ABLIM2: variants seen among roughly 807,000 people sequenced by gnomAD.
ABLIM2 encodes actin binding LIM protein family member 2, also known as actin-binding LIM protein 2.
In ABLIM2, 53 loss-of-function variants were observed where a neutral mutation model predicts 97.7. The observed-to-expected ratio is 0.54, with a 90% CI of 0.44 to 0.68. The LOEUF (loss-of-function observed/expected upper bound fraction) is 0.68, where lower values mean the gene tolerates loss of function less well. ABLIM2 is among the 30% of genes least tolerant of loss of function. The pLI is 0.00. For missense variants in ABLIM2, 835 were observed against 867.2 expected, an observed-to-expected ratio of 0.96 and a Z score of 0.47; for synonymous variants, 361 against 345.8, an observed-to-expected ratio of 1.04 and a Z score of -0.49.
chr4:8,066,228 C>T (rs999815366), intron 6 of ABLIM2, among the ~76,000 whole-genome samples: 5 of 150,038 alleles, frequency 3.3e-5, no homozygotes, highest in Non-Finnish European at 7.4e-5. Context: ...ATGGCGTGAA[C>T]CCGGGAGGCA....
At chr4:8,092,964 T>A (rs1199138404) in intron 3 of ABLIM2, among the ~76,000 whole-genome samples, 1 of 152,148 alleles carries the variant, frequency 6.6e-6, no homozygotes, top group Non-Finnish European at 1.5e-5. Flanking sequence ...TTCTCCTGCC[T>A]CGGCCTTCCA....
chr4:8,072,815 G>A lies in ABLIM2; in HGVS notation c.675+4813C>T, dbSNP rs1007115823. The stretch of plus-strand genomic sequence containing the variant: ...CATCAGAGCCACCAGCGCATAAGAG[G>A]AGCAGGGTCAGGGACAGCACCTGAG... On this transcript the variant is annotated intron_variant, in intron 6 of 20. Transcript: ENST00000447017. The surrounding 1 kb of genome is among the most constrained non-coding windows in gnomAD (Gnocchi z 5.8). Among the ~76,000 whole-genome samples, 5 of 152,204 alleles carry A rather than the reference G, an allele frequency of 3.3e-5. No homozygotes were observed. Among genetic ancestry groups the A allele is most frequent in the Non-Finnish European group, 7.3e-5 (5 of 68,042 alleles).
chr4:8,150,978 G>A lies in ABLIM2; in HGVS notation c.10+7702C>T, dbSNP rs894645522. ...AGCTGTGACAAAGGCCATTCTGCCC[G>A]TTCCCTGGTGCCTGCCGTGCCCAGG... On this transcript the variant is annotated intron_variant, in intron 1 of 20. Transcript: ENST00000447017. This position sits in a 1 kb window ranked among gnomAD's most constrained non-coding sequence, Gnocchi z 6.3. 2.6e-5 allele frequency among the ~76,000 whole-genome samples: 4 copies of A among 152,166 alleles called. No individual in the cohort carries two copies. Among genetic ancestry groups the A allele is most frequent in the African/African-American group, 4.8e-5 (2 of 41,430 alleles).
rs1218567987 is a variant in ABLIM2 at position 8,140,736 on chromosome 4, G to A, written c.10+17944C>T. ...AAGGTCCCACGGAGGCCAGCAGAGA[G>A]TAGCACCCAGACACATGTGGAAGGA... is the stretch of plus-strand genomic sequence containing the variant. On this transcript the variant is annotated intron_variant, in intron 1 of 20. Coordinates refer to ENST00000447017, the MANE Select transcript of ABLIM2 (RefSeq NM_001130083.2). The surrounding 1 kb of genome is among the most constrained non-coding windows in gnomAD (Gnocchi z 5.9). 1.3e-5 allele frequency among the ~76,000 whole-genome samples: 2 copies of A among 152,076 alleles called. No individual in the cohort carries two copies. The highest frequency in any genetic ancestry group is 2.4e-5 in the African/African-American group (1 of 41,380).
chr4:8,121,750 T>C (rs916671538), intron 1 of ABLIM2, among the ~76,000 whole-genome samples: 7 of 152,166 alleles, frequency 4.6e-5, no homozygotes, highest in Non-Finnish European at 8.8e-5. Flanking sequence ...TCAAATCTAA[T>C]AGGAAACAGG....
chr4:8,079,155 C>A (rs955425126), intron 5 of ABLIM2, among the ~76,000 whole-genome samples: 1 of 152,242 alleles, frequency 6.6e-6, no homozygotes, highest in Non-Finnish European at 1.5e-5. Flanking sequence ...AGAGTGGCAG[C>A]CCTTCCTTCC....
At chr4:8,028,248 C>T (rs542397095) in intron 11 of ABLIM2, among the ~76,000 whole-genome samples, 2 of 152,368 alleles carry the variant, frequency 1.3e-5, no homozygotes, top group South Asian at 2.1e-4. Flanking sequence ...GCAAGCTTGG[C>T]TCTTGGGTTA....
chr4:8,134,304 G>A (rs959709565), intron 1 of ABLIM2, among the ~76,000 whole-genome samples: 10 of 152,148 alleles, frequency 6.6e-5, no homozygotes, highest in African/African-American at 1.4e-4. Context: ...AGGGCGGATC[G>A]GAGGGGATGG....
At chr4:8,145,897 G>A (rs531445629) in intron 1 of ABLIM2, among the ~76,000 whole-genome samples, 63 of 152,086 alleles carry the variant, frequency 4.1e-4, no homozygotes, top group Non-Finnish European at 7.9e-4. Flanking sequence ...CTGGCCAGCC[G>A]CCGGGGAGGC....
chr4:7,992,787 G>A lies in ABLIM2; in HGVS notation c.1680+79C>T. 1 of 1,501,950 alleles carries A rather than the reference G, an allele frequency of 6.7e-7. No homozygotes were observed. Among genetic ancestry groups the A allele is most frequent in the Non-Finnish European group, 9.1e-7 (1 of 1,095,128 alleles). 93.0% of individuals were successfully genotyped at this position (1,501,950 alleles called of 1,614,324 possible). ...CCCGGGGCCTCTCCTCCTGCTGTGTGGTCAAGAAGCTGTGGGAAACGTGCT... is the reference window on the plus strand; with the variant it reads ...CCCGGGGCCTCTCCTCCTGCTGTGTAGTCAAGAAGCTGTGGGAAACGTGCT... On this transcript the variant is annotated intron_variant, in intron 17 of 20. Transcript: ENST00000447017. This position sits in a 1 kb window ranked among gnomAD's most constrained non-coding sequence, Gnocchi z 5.7.
chr4:7,997,145 C>G (rs1385183905), intron 16 of ABLIM2, among the ~76,000 whole-genome samples: 2 of 152,156 alleles, frequency 1.3e-5, no homozygotes, highest in Admixed American at 1.3e-4. Context: ...GATCTTGGCT[C>G]ACTGCAACCT....
At chr4:8,091,819 A>T (rs1405544488) in intron 3 of ABLIM2, among the ~76,000 whole-genome samples, 1 of 68,642 alleles carries the variant, frequency 1.5e-5, no homozygotes, top group Non-Finnish European at 2.1e-5. Flanking sequence ...ATATTATATA[A>T]TATATTATAT....
intron 6 of ABLIM2, among the ~76,000 whole-genome samples, chr4:8,073,027 G>C (rs1026389612): frequency 6.6e-6 from 1 of 152,076 alleles, no homozygotes; most frequent in Non-Finnish European, 1.5e-5. Context: ...GAGAGGAGAG[G>C]CTGAGTCTCT....
rs1484994042 is a variant in ABLIM2, at chr4:8,046,910, C to A, written c.823-1669G>T. Among the ~76,000 whole-genome samples, 2 of 152,138 alleles carry A rather than the reference C, an allele frequency of 1.3e-5. No individual in the cohort carries two copies. The highest frequency in any genetic ancestry group is 4.8e-5 in the African/African-American group (2 of 41,440). On this transcript the variant is annotated intron_variant, in intron 8 of 20. Coordinates refer to ENST00000447017, the MANE Select transcript of ABLIM2 (RefSeq NM_001130083.2). The surrounding 1 kb of genome is among the most constrained non-coding windows in gnomAD (Gnocchi z 4.4). ...ACGAGCCAACGAGGGAGAAACCACC[C>A]CAGCTAACCCCGTGATCTTGGCCTT...
chr4:8,032,661 G>A lies in ABLIM2; in HGVS notation c.1048-2885C>T, dbSNP rs372695169. On this transcript the variant is annotated intron_variant, in intron 10 of 20. Coordinates refer to ENST00000447017, the MANE Select transcript of ABLIM2 (RefSeq NM_001130083.2). This position sits in a 1 kb window ranked among gnomAD's most constrained non-coding sequence, Gnocchi z 4.3. ...GGTGGTGGTTACCTCGGTCGGCGTTGGCGAGAGCAACTGAGGGGACTGTGG... is the reference window on the plus strand; with the variant it reads ...GGTGGTGGTTACCTCGGTCGGCGTTAGCGAGAGCAACTGAGGGGACTGTGG... 6.2e-7 allele frequency: 1 copy of A among 1,612,598 alleles called. No individual in the cohort carries two copies. Among genetic ancestry groups the A allele is most frequent in the Non-Finnish European group, 8.5e-7 (1 of 1,179,818 alleles).
At position 8,082,737 on chromosome 4, in the gene ABLIM2, G is replaced by T. The variant is rs190752881; in HGVS notation, c.455-1935C>A. Among the ~76,000 whole-genome samples, 15 of 152,188 alleles carry T rather than the reference G, an allele frequency of 9.9e-5. No individual in the cohort carries two copies. The highest frequency in any genetic ancestry group is 6.5e-4 in the Admixed American group (10 of 15,274). ...CAGAGGCTGTGGGCTTGAGAAACACGTGGGGAATGAATGAATGAATGAATG... is the reference window on the plus strand; with the variant it reads ...CAGAGGCTGTGGGCTTGAGAAACACTTGGGGAATGAATGAATGAATGAATG... On this transcript the variant is annotated intron_variant, in intron 4 of 20. Coordinates refer to ENST00000447017, the MANE Select transcript of ABLIM2 (RefSeq NM_001130083.2). This position sits in a 1 kb window ranked among gnomAD's most constrained non-coding sequence, Gnocchi z 5.6.
chr4:7,987,742 G>A (rs969593158), intron 17 of ABLIM2, among the ~76,000 whole-genome samples: 1 of 152,204 alleles, frequency 6.6e-6, no homozygotes, highest in Non-Finnish European at 1.5e-5. Flanking sequence ...TCTACCAGGT[G>A]GAGAAGGGGG....
chr4:8,126,721 C>T (rs1391068757), intron 1 of ABLIM2, among the ~76,000 whole-genome samples: 3 of 151,990 alleles, frequency 2.0e-5, no homozygotes, highest in Non-Finnish European at 2.9e-5. Flanking sequence ...GTGGCCTGAC[C>T]CCTTCCTGCC....
At chr4:8,103,399 C>G (rs16841718) in intron 2 of ABLIM2, among the ~76,000 whole-genome samples, 12,677 of 152,298 alleles carry the variant, frequency 0.083, 1,606 homozygotes, top group African/African-American at 0.27. Flanking sequence ...CATTCTCCAG[C>G]ACAGAGGCCA....
Sources: allele counts gnomAD v4.1 joint callset (sites outside exome capture counted in the v4.1 genomes callset), GRCh38; gene constraint gnomAD v4.1.1; non-coding constraint Gnocchi (gnomAD v3.1); transcripts MANE v1.5; gene names NCBI Gene and HGNC (gene_info 2026-07-23, HGNC 2026-07-21).